The following ZNF578 variants were observed in gnomAD, a reference collection of about 807,000 sequenced individuals.
ZNF578 encodes the protein Putative chemokine-related protein B42.
In ZNF578, 8 loss-of-function variants were observed where a neutral mutation model predicts 8.3. The observed-to-expected ratio is 0.96, with a 90% CI of 0.56 to 1.74. ZNF578 has a LOEUF of 1.74. ZNF578 is among the 40% of genes most tolerant of loss of function. ZNF578 has a pLI of 0.00. For missense variants in ZNF578, 726 were observed against 707.5 expected, an observed-to-expected ratio of 1.03 and a Z score of -0.30; for synonymous variants, 206 against 232.2, an observed-to-expected ratio of 0.89 and a Z score of 1.03.
rs1249631468 is a variant in ZNF578, at chr19:52,456,909, G to A, written c.-171G>A. ...CTCTTTCATCTCTCCTAAGGAAGAA[G>A]CCTAGAAGAGGAGGAAGAGGAAAGA... On this transcript the variant is annotated 5_prime_UTR_variant, in exon 2 of 6. Coordinates refer to ENST00000421239, the MANE Select transcript of ZNF578 (RefSeq NM_001099694.2). The A allele has an allele frequency of 6.5e-6, 1 of 153,334 alleles. No homozygotes were observed. The highest frequency in any genetic ancestry group is 1.5e-5 in the Non-Finnish European group (1 of 68,392). The allele number at this position is 153,334 out of a possible 1,614,324, so 9.5% of individuals were successfully genotyped here.
At chr19:52,504,611 T>A (rs1444523843) in intron 4 of ZNF578, 44 bp from the exon 5 acceptor site, 6 of 1,613,054 alleles carry the variant, frequency 3.7e-6, no homozygotes, top group Middle Eastern at 1.6e-4. Context: ...AGGTGATAAC[T>A]CAATCCTCCA....
intron 4 of ZNF578, among the ~76,000 whole-genome samples, chr19:52,502,212 T>A (rs765757172): frequency 3.0e-4 from 46 of 152,170 alleles, no homozygotes; most frequent in Non-Finnish European, 5.7e-4. Context: ...ATGTCATTGC[T>A]GCTGGGCAGC....
chr19:52,510,068 T>C (rs745749469), intron 5 of ZNF578, among the ~76,000 whole-genome samples: 2 of 152,034 alleles, frequency 1.3e-5, no homozygotes, highest in Admixed American at 1.3e-4. Context: ...TCTTTTCTTA[T>C]CTTCTCAGTG....
intron 2 of ZNF578, among the ~76,000 whole-genome samples, chr19:52,480,753 C>T (rs935917565): frequency 4.0e-5 from 6 of 151,630 alleles, no homozygotes; most frequent in Admixed American, 6.6e-5. Context: ...AAAAATTAGC[C>T]GGGCATGGTG....
At chr19:52,483,410 C>T (rs765710490) in intron 2 of ZNF578, among the ~76,000 whole-genome samples, 11 of 152,174 alleles carry the variant, frequency 7.2e-5, no homozygotes, top group Middle Eastern at 3.4e-3. Context: ...AGGGAAACTC[C>T]GTCTCAAAAA....
At position 52,515,865 on chromosome 19, in the gene ZNF578, T is replaced by C. The variant is rs2059472847; in HGVS notation, c.*3711T>C. Among the ~76,000 whole-genome samples, 1 of 152,010 alleles carries C rather than the reference T, an allele frequency of 6.6e-6. No individual in the cohort carries two copies. The highest frequency in any genetic ancestry group is 1.9e-4 in the East Asian group (1 of 5,178). On this transcript the variant is annotated 3_prime_UTR_variant, in exon 6 of 6. Transcript: ENST00000421239. ...AGACACAGAGACCATCTTCAAGGCC[T>C]TTCTCTGTATGAGGACATCACAGCA... is the stretch of plus-strand genomic sequence containing the variant.
intron 3 of ZNF578, among the ~76,000 whole-genome samples, chr19:52,495,512 G>A (rs2059382859): frequency 6.6e-6 from 1 of 150,954 alleles, no homozygotes; most frequent in Non-Finnish European, 1.5e-5. Context: ...AGAAGCCCAG[G>A]GGGAAATGCA....
Position 52,497,677 on chromosome 19 carries a change from C to T in ZNF578, c.-19-4150C>T, listed in dbSNP as rs561764320. On this transcript the variant is annotated intron_variant, in intron 3 of 5. Transcript: ENST00000421239. The stretch of plus-strand genomic sequence containing the variant: ...TTGCTTTCTAGTCTTTATCATATAT[C>T]GAAAACATTTTCTACTATGTGATAT... 8.5e-5 allele frequency among the ~76,000 whole-genome samples: 13 copies of T among 152,220 alleles called. No individual in the cohort carries two copies. In the South Asian group the frequency reaches 1.2e-3, roughly 15 times the overall value.
At chr19:52,494,027 G>C (rs2059376871) in intron 3 of ZNF578, among the ~76,000 whole-genome samples, 1 of 151,370 alleles carries the variant, frequency 6.6e-6, no homozygotes, top group South Asian at 2.1e-4. Flanking sequence ...TGAGGATGGA[G>C]CAGAAGAGGT....
At chr19:52,483,141 C>T (rs560622411) in intron 2 of ZNF578, among the ~76,000 whole-genome samples, 7 of 152,164 alleles carry the variant, frequency 4.6e-5, no homozygotes, top group East Asian at 1.9e-4. Context: ...CCTGGCCGTG[C>T]GCGGTGGCTC....
rs187608276 is a variant in ZNF578, at chr19:52,493,902, A to G, written c.-20+2477A>G. 5.1e-3 allele frequency among the ~76,000 whole-genome samples: 768 copies of G among 152,064 alleles called. 2 individuals are homozygous for G. Among genetic ancestry groups the G allele is most frequent in the South Asian group, 9.4e-3 (45 of 4,812 alleles). ...CTATTAGGGAGGCTGAAGCTGGAGA[A>G]TCGCTTGAACCTGGGAGGCGGAGGT... On this transcript the variant is annotated intron_variant, in intron 3 of 5. Transcript: ENST00000421239.
intron 2 of ZNF578, among the ~76,000 whole-genome samples, chr19:52,490,968 C>G (rs1302191168): frequency 3.9e-5 from 6 of 152,082 alleles, no homozygotes; most frequent in Non-Finnish European, 8.8e-5. Flanking sequence ...TATTCTGTAA[C>G]TATGAAGAAT....
intron 2 of ZNF578, chr19:52,475,001 C>A: frequency 5.0e-6 from 1 of 200,862 alleles, no homozygotes; most frequent in South Asian, 9.4e-5. Context: ...TATGAATTCT[C>A]AGATGTTCTG....
rs192310167 is a variant in ZNF578, at chr19:52,461,619, G to C, written c.-122+4661G>C. 1.3e-3 allele frequency among the ~76,000 whole-genome samples: 196 copies of C among 152,232 alleles called. 1 individual carries two copies. The highest frequency in any genetic ancestry group is 2.1e-3 in the Non-Finnish European group (145 of 68,002). ...TTCACACAAAACGTGGAATCAATAC[G>C]GGTGAAAAGGCAACAGTTTTGACAT... On this transcript the variant is annotated intron_variant, in intron 2 of 5. Transcript: ENST00000421239.
intron 2 of ZNF578, among the ~76,000 whole-genome samples, chr19:52,489,654 C>A (rs896845444): frequency 6.6e-6 from 1 of 151,948 alleles, no homozygotes; most frequent in African/African-American, 2.4e-5. Flanking sequence ...ATAGTCAACA[C>A]CCATGGAGAA....
chr19:52,454,378 T>A (rs1457855), intron 1 of ZNF578: 134,960 of 152,202 alleles, frequency 0.89, 60,606 homozygotes, highest in Non-Finnish European at 0.96. Flanking sequence ...CTGTACCTGG[T>A]GTAAGCATCG....
In ZNF578 at chr19:52,511,595, G is replaced by T; in HGVS notation, c.1214G>T (p.Gly405Val). The change falls in exon 6 of 6, where the codon GGC becomes GTC. Residue 405 changes from glycine (G) to valine (V), a missense_variant. Coordinates refer to ENST00000421239, the MANE Select transcript of ZNF578 (RefSeq NM_001099694.2). ...GEKPYKCNEC[G>V]KAFNQQSHLS... ...AAACCTTACAAGTGTAATGAATGTGGCAAGGCTTTTAATCAACAATCACAC... is the reference window on the plus strand; with the variant it reads ...AAACCTTACAAGTGTAATGAATGTGTCAAGGCTTTTAATCAACAATCACAC... 1 of 1,613,044 alleles carries T rather than the reference G, an allele frequency of 6.2e-7. No individual in the cohort carries two copies. The highest frequency in any genetic ancestry group is 8.5e-7 in the Non-Finnish European group (1 of 1,179,144).
intron 2 of ZNF578, among the ~76,000 whole-genome samples, chr19:52,482,796 G>C (rs990431000): frequency 5.9e-5 from 9 of 151,880 alleles, no homozygotes; most frequent in African/African-American, 2.2e-4. Flanking sequence ...AATTAGCGGG[G>C]TGTGGTGGTA....
chr19:52,507,327 G>A (rs1048319198), intron 5 of ZNF578, among the ~76,000 whole-genome samples: 1 of 152,144 alleles, frequency 6.6e-6, no homozygotes, highest in African/African-American at 2.4e-5. Flanking sequence ...GGTGGATGGT[G>A]CAGTGAGCCA....
Sources: allele counts gnomAD v4.1 joint callset (sites outside exome capture counted in the v4.1 genomes callset), GRCh38; gene constraint gnomAD v4.1.1; transcripts MANE v1.5; gene names NCBI Gene and HGNC (gene_info 2026-07-23, HGNC 2026-07-21).